The following MRPS18A variants were observed in gnomAD, a reference collection of about 807,000 sequenced individuals.
MRPS18A encodes mitochondrial ribosomal protein S18A, also known as large ribosomal subunit protein mL66.
In MRPS18A, 20 loss-of-function variants were observed where a neutral mutation model predicts 22.7. The ratio of observed to expected loss-of-function variants is 0.88; its 90% CI spans 0.62 to 1.28. MRPS18A has a LOEUF of 1.28. Among genes scored for constraint, MRPS18A ranks in the 50% most tolerant of loss-of-function variants. The pLI is 0.00. For missense variants in MRPS18A, 294 were observed against 262.6 expected (o/e 1.12, Z -0.83); for synonymous variants, 106 against 99.1 (o/e 1.07, Z -0.41).
At chr6:43,678,696 C>T (rs1172394256) in intron 2 of MRPS18A, 71 bp from the exon 3 acceptor site, 3 of 1,118,140 alleles carry the variant, frequency 2.7e-6, no homozygotes, top group Non-Finnish European at 4.0e-6. Flanking sequence ...TTTGCACAAA[C>T]CCCAAAATGA....
intron 2 of MRPS18A, among the ~76,000 whole-genome samples, chr6:43,679,347 T>TGGCACGC (rs2127948342): frequency 6.6e-6 from 1 of 152,328 alleles, no homozygotes; most frequent in East Asian, 1.9e-4. Context: ...GGCTGTGCCA[T>TGGCACGC]ATAAGCAGAT....
chr6:43,674,312 T>C (rs2127942347), intron 5 of MRPS18A, among the ~76,000 whole-genome samples: 1 of 152,338 alleles, frequency 6.6e-6, no homozygotes, highest in South Asian at 2.1e-4. Context: ...GTCAGTCATC[T>C]TTGATACCTT....
Position 43,673,649 on chromosome 6 carries a change from C to T in MRPS18A, c.446+1553G>A, listed in dbSNP as rs772977173. ...CTCTAGCAAGAACCAAGTCTCTTTC[C>T]TAAACCAGCCCCTTCCTACCTCTCC... is the stretch of plus-strand genomic sequence containing the variant. On this transcript the variant is annotated intron_variant, in intron 5 of 5. Transcript: ENST00000372133. This position sits in a 1 kb window ranked among gnomAD's most constrained non-coding sequence, Gnocchi z 4.2. Among the ~76,000 whole-genome samples, 11 of 152,190 alleles carry T rather than the reference C, an allele frequency of 7.2e-5. No individual in the cohort carries two copies. Among genetic ancestry groups the T allele is most frequent in the Non-Finnish European group, 1.3e-4 (9 of 68,036 alleles).
At chr6:43,683,403 A>AT (rs1278584203) in intron 1 of MRPS18A, among the ~76,000 whole-genome samples, 1 of 152,162 alleles carries the variant, frequency 6.6e-6, no homozygotes, top group Non-Finnish European at 1.5e-5. Flanking sequence ...CCCTTAGTAG[A>AT]TTTTAAGCCC....
rs912691295 is a variant in MRPS18A at position 43,673,254 on chromosome 6, C to T, written c.447-1348G>A. Among the ~76,000 whole-genome samples, 3 of 152,010 alleles carry T rather than the reference C, an allele frequency of 2.0e-5. No individual in the cohort carries two copies. The highest frequency in any genetic ancestry group is 7.3e-5 in the African/African-American group (3 of 41,366). On this transcript the variant is annotated intron_variant, in intron 5 of 5. Coordinates refer to ENST00000372133, the MANE Select transcript of MRPS18A (RefSeq NM_018135.4). This position sits in a 1 kb window ranked among gnomAD's most constrained non-coding sequence, Gnocchi z 4.2. ...CCGCCCGCCTCGGCCTCCCAAATTGCTGGGATTACAGGTGTGAGGGGACTG... is the reference window on the plus strand; with the variant it reads ...CCGCCCGCCTCGGCCTCCCAAATTGTTGGGATTACAGGTGTGAGGGGACTG...
intron 5 of MRPS18A, chr6:43,672,350 A>G: frequency 2.1e-6 from 1 of 472,774 alleles, no homozygotes; most frequent in South Asian, 1.5e-5. Flanking sequence ...TCCCCAGGGT[A>G]CTATAACTGG....
At chr6:43,685,162 C>T (rs551915938) in intron 1 of MRPS18A, among the ~76,000 whole-genome samples, 2 of 152,294 alleles carry the variant, frequency 1.3e-5, no homozygotes, top group East Asian at 3.9e-4. Flanking sequence ...ACGGCATTTC[C>T]TCATTTATAA....
At chr6:43,674,855 C>A (rs1168325167) in intron 5 of MRPS18A, among the ~76,000 whole-genome samples, 1 of 152,186 alleles carries the variant, frequency 6.6e-6, no homozygotes, top group Non-Finnish European at 1.5e-5. Flanking sequence ...ATTTCTAAGG[C>A]CTTCTGTCCT....
Position 43,671,921 on chromosome 6 carries a change from CAA to C in MRPS18A, c.447-17_447-16del. 5.7e-6 allele frequency: 9 copies of C among 1,583,694 alleles called. No homozygotes were observed. Among genetic ancestry groups the C allele is most frequent in the Non-Finnish European group, 6.9e-6 (8 of 1,163,874 alleles). ...GCGTCAGGTACCTGTGGAGGGAGAA[CAA>C]AGAGGTGCCTGTGAGGGCTGGGGGC... On this transcript the variant is annotated splice_polypyrimidine_tract_variant and intron_variant, in intron 5 of 5. Transcript: ENST00000372133.
At chr6:43,681,868 T>A (rs1774435557) in intron 1 of MRPS18A, among the ~76,000 whole-genome samples, 1 of 152,200 alleles carries the variant, frequency 6.6e-6, no homozygotes, top group Non-Finnish European at 1.5e-5. Context: ...GGCAAGACAA[T>A]CAGTTGCACA....
At position 43,675,479 on chromosome 6, in the gene MRPS18A, C is replaced by T. The variant is rs1167908349; in HGVS notation, c.376+15G>A. The T allele has an allele frequency of 6.2e-7, 1 of 1,614,156 alleles. No individual in the cohort carries two copies. The highest frequency in any genetic ancestry group is 1.7e-5 in the Admixed American group (1 of 60,026). On this transcript the variant is annotated intron_variant, in intron 4 of 5. Transcript: ENST00000372133. ...CTGCAGCCCTCTGCCCCTCTTGGTC[C>T]CCAGGGCCTTCTACCTGCTCGGTGG... is the stretch of plus-strand genomic sequence containing the variant.
chr6:43,672,040 G>A, intron 5 of MRPS18A, 134 bp from the exon 6 acceptor site: 1 of 1,094,200 alleles, frequency 9.1e-7, no homozygotes, highest in South Asian at 1.7e-5. Context: ...CTTTCCTGAA[G>A]TGCAGGGATT....
At chr6:43,677,391 C>T (rs1383369280) in intron 3 of MRPS18A, among the ~76,000 whole-genome samples, 2 of 152,222 alleles carry the variant, frequency 1.3e-5, no homozygotes, top group Non-Finnish European at 2.9e-5. Context: ...GTGGCTTCTC[C>T]TGCTCTTATC....
chr6:43,683,078 T>A (rs963535774), intron 1 of MRPS18A, among the ~76,000 whole-genome samples: 1 of 151,978 alleles, frequency 6.6e-6, no homozygotes, highest in African/African-American at 2.4e-5. Flanking sequence ...AACCATGAGG[T>A]AAACAAGTCT....
In MRPS18A at chr6:43,675,198, T is replaced by A. The variant is rs1413123509; in HGVS notation, c.446+4A>T. 1 of 1,513,606 alleles carries A rather than the reference T, an allele frequency of 6.6e-7. No homozygotes were observed. Among genetic ancestry groups the A allele is most frequent in the East Asian group, 2.3e-5 (1 of 43,760 alleles). The allele number at this position is 1,513,606 out of a possible 1,614,324, so 93.8% of individuals were successfully genotyped here. A position where few individuals can be genotyped will look rare whatever the true frequency, so the allele number is the denominator to read the frequency against. On this transcript the variant is annotated splice_donor_region_variant and intron_variant, in intron 5 of 5. Coordinates refer to ENST00000372133, the MANE Select transcript of MRPS18A (RefSeq NM_018135.4). ...TCAGGTTGTTCACACCCAGGCTTGC[T>A]TACCGGTTGAGTTGGGGTTTGCTCT... is the stretch of plus-strand genomic sequence containing the variant.
At chr6:43,675,361 G>T in intron 4 of MRPS18A, 90 bp from the exon 5 acceptor site, 1 of 1,586,540 alleles carries the variant, frequency 6.3e-7, no homozygotes, top group Non-Finnish European at 8.6e-7. Flanking sequence ...CGGGAAGGTT[G>T]GCATTGGGTG....
intron 3 of MRPS18A, 53 bp from the exon 4 acceptor site, chr6:43,675,670 C>T (rs1468949928): frequency 1.2e-5 from 18 of 1,552,922 alleles, no homozygotes; most frequent in Non-Finnish European, 1.5e-5. Flanking sequence ...GCTTTTGATG[C>T]CGGGAAGCTA....
rs1033916685 is a variant in MRPS18A at position 43,675,549 on chromosome 6, T to C, written c.321A>G (p.Leu107=). 6 of 1,613,980 alleles carry C rather than the reference T, an allele frequency of 3.7e-6. No homozygotes were observed. The African/African-American group carries it at 4.0e-5, about 11-fold the overall frequency. The stretch of plus-strand genomic sequence containing the variant: ...CGATCTTGCGGTGTTCTTCCTGGCA[T>C]AGGCCTGTGATCTTTCGGGGCAGCA... ...GGMLPRKITG[L]CQEEHRKIEE... Residue 107 remains leucine (L), a synonymous_variant, in exon 4 of 6, where the codon CTA becomes CTG. Transcript: ENST00000372133.
chr6:43,680,826 T>G (rs1774358270), intron 2 of MRPS18A, among the ~76,000 whole-genome samples: 1 of 152,350 alleles, frequency 6.6e-6, no homozygotes, highest in Middle Eastern at 3.4e-3. Flanking sequence ...AAAGAGCTTA[T>G]CAGCAAAGGC....
Sources: allele counts gnomAD v4.1 joint callset (sites outside exome capture counted in the v4.1 genomes callset), GRCh38; gene constraint gnomAD v4.1.1; non-coding constraint Gnocchi (gnomAD v3.1); transcripts MANE v1.5; gene names NCBI Gene and HGNC (gene_info 2026-07-23, HGNC 2026-07-21).